Variants in C19orf47 observed in about 807,000 individuals in gnomAD.
The protein encoded by C19orf47 is uncharacterized protein C19orf47.
C19orf47 carries 18 observed loss-of-function variants against 32.3 expected under a neutral mutation model. The ratio of observed to expected loss-of-function variants is 0.56; its 90% CI spans 0.39 to 0.83. The LOEUF (loss-of-function observed/expected upper bound fraction) is 0.83. Among genes scored for constraint, C19orf47 ranks in the 40% least tolerant of loss-of-function variants. The pLI, the probability that C19orf47 is intolerant of heterozygous loss-of-function variation, is 0.00. For synonymous variants in C19orf47, 202 were observed against 211.1 expected, an observed-to-expected ratio of 0.96 and a Z score of 0.37; for missense variants, 484 against 531.6, an observed-to-expected ratio of 0.91 and a Z score of 0.88.
intron 6 of C19orf47, among the ~76,000 whole-genome samples, chr19:40,327,878 A>C (rs2077866713): frequency 3.9e-5 from 6 of 152,224 alleles, no homozygotes; most frequent in Admixed American, 3.9e-4. Context: ...GGGGCGATGC[A>C]AGAGATGAAT....
chr19:40,336,245 T>C, intron 3 of C19orf47, 21 bp from the exon 4 acceptor site: 1 of 1,614,052 alleles, frequency 6.2e-7, no homozygotes, highest in East Asian at 2.2e-5. Flanking sequence ...AGGTCAGTGG[T>C]GAGGCCCCAG....
At chr19:40,304,232 TGAA>T in the C19orf47 span, among the ~76,000 whole-genome samples, 1 of 152,170 alleles carries the variant, frequency 6.6e-6, no homozygotes, top group African/African-American at 2.4e-5. Context: ...ATAGGAGAAA[TGAA>T]GAAGTTCGAG....
the C19orf47 span, among the ~76,000 whole-genome samples, chr19:40,299,072 T>C: frequency 2.0e-5 from 3 of 152,180 alleles, no homozygotes; most frequent in African/African-American, 7.2e-5. Flanking sequence ...ATTTTCTTTT[T>C]CACCTTTTAA....
rs751169832 is a variant in C19orf47 at position 40,326,487 on chromosome 19, C to T, written c.440-1G>A. The T allele has an allele frequency of 1.2e-6, 2 of 1,612,252 alleles. No individual in the cohort carries two copies. Among genetic ancestry groups the T allele is most frequent in the Non-Finnish European group, 1.7e-6 (2 of 1,179,910 alleles). ...TCCTCCTCCCGGCGGGCCAGGGCTG[C>T]TGGGGGAAGAAAGCAGGGGTATCAG... is the stretch of plus-strand genomic sequence containing the variant. On this transcript the variant is annotated splice_acceptor_variant, in intron 6 of 8. Coordinates refer to ENST00000683109, the MANE Select transcript of C19orf47 (RefSeq NM_001256441.2). LOFTEE classifies it high-confidence loss of function.
At chr19:40,326,646 C>G (rs2077837009) in intron 6 of C19orf47, among the ~76,000 whole-genome samples, 160 bp from the exon 7 acceptor site, 1 of 152,196 alleles carries the variant, frequency 6.6e-6, no homozygotes. Context: ...CAGAGAAACT[C>G]AGGTCTCTGT....
the C19orf47 span, among the ~76,000 whole-genome samples, chr19:40,294,553 A>C: frequency 2.6e-5 from 4 of 152,164 alleles, no homozygotes; most frequent in Non-Finnish European, 5.9e-5. Flanking sequence ...ATAGGGCAAG[A>C]ACACAGGCCT....
rs185200137 is a variant in C19orf47, at chr19:40,336,633, T to C, written c.20-226A>G. ...ATGAGGAAAATGAGATAGGGAAAGG[T>C]TGGGCAACCCACCCCAAGCCACAAT... On this transcript the variant is annotated intron_variant, in intron 2 of 8. Transcript: ENST00000683109. Among the ~76,000 whole-genome samples, 392 of 152,146 alleles carry C rather than the reference T, an allele frequency of 2.6e-3. 1 individual carries two copies. Among genetic ancestry groups the C allele is most frequent in the South Asian group, 7.7e-3 (37 of 4,816 alleles).
intron 1 of C19orf47, chr19:40,343,482 G>A (rs2078216777): frequency 6.6e-6 from 1 of 152,196 alleles, no homozygotes; most frequent in Non-Finnish European, 1.5e-5. Context: ...TACCTTAGAG[G>A]ACTGCTATAA....
At position 40,322,068 on chromosome 19, in the gene C19orf47, A is replaced by C; in HGVS notation, c.972T>G (p.Leu324=). Residue 324 remains leucine, a synonymous_variant, in exon 9 of 9, where the codon CTT becomes CTG. Coordinates refer to ENST00000683109, the MANE Select transcript of C19orf47 (RefSeq NM_001256441.2). ...SIIKRLGAAA[L]VPEAQDSQVT... is the part of the protein sequence containing the mutation. ...CCTGGCTGTCCTGGGCCTCGGGCACAAGGGCAGCTGCGCCCAGTCTCTTGA... is the reference window on the plus strand; with the variant it reads ...CCTGGCTGTCCTGGGCCTCGGGCACCAGGGCAGCTGCGCCCAGTCTCTTGA... 6.2e-7 allele frequency: 1 copy of C among 1,614,194 alleles called. No homozygotes were observed. Among genetic ancestry groups the C allele is most frequent in the Non-Finnish European group, 8.5e-7 (1 of 1,180,040 alleles).
At chr19:40,324,623 G>A (rs1568606774) in intron 7 of C19orf47, 1 of 154,880 alleles carries the variant, frequency 6.5e-6, no homozygotes, top group Non-Finnish European at 1.4e-5. Context: ...GGGAGGCTGA[G>A]GCAGGTGGAT....
Position 40,322,942 on chromosome 19 carries a change from A to C in C19orf47, c.664-566T>G, listed in dbSNP as rs191221626. On this transcript the variant is annotated intron_variant, in intron 8 of 8. Coordinates refer to ENST00000683109, the MANE Select transcript of C19orf47 (RefSeq NM_001256441.2). ...AGACGGAGAAGGACAGCTGGAGGGC[A>C]GAAGACAGGGGTGGCTCCTCATCAG... 9.8e-5 allele frequency among the ~76,000 whole-genome samples: 15 copies of C among 152,358 alleles called. No homozygotes were observed. In the South Asian group the frequency reaches 2.7e-3, roughly 27 times the overall value.
At chr19:40,342,560 G>T (rs1010806718) in intron 1 of C19orf47, 1 of 152,474 alleles carries the variant, frequency 6.6e-6, no homozygotes. Flanking sequence ...CTGGGTACAG[G>T]GGACAGGGGA....
the C19orf47 span, among the ~76,000 whole-genome samples, chr19:40,306,490 C>G: frequency 6.6e-6 from 1 of 151,996 alleles, no homozygotes; most frequent in South Asian, 2.1e-4. Context: ...GCAACCTCCG[C>G]CTCCCGGGTT....
chr19:40,319,127 G>A (rs904756017), downstream of C19orf47, among the ~76,000 whole-genome samples: 1 of 151,834 alleles, frequency 6.6e-6, no homozygotes, highest in African/African-American at 2.4e-5. Context: ...AAAATTAGCT[G>A]GGAGTGGTGG....
Position 40,321,467 on chromosome 19 carries a change from GA to G in C19orf47, c.*414del. On this transcript the variant is annotated 3_prime_UTR_variant, in exon 9 of 9. Coordinates refer to ENST00000683109, the MANE Select transcript of C19orf47 (RefSeq NM_001256441.2). ...TGAGGGAGGTCAGTGGGGAGTGGGG[GA>G]AGGGAGGCCCACCAGGTGACACCCA... 9.9e-7 allele frequency: 1 copy of G among 1,012,830 alleles called. No individual in the cohort carries two copies. Among genetic ancestry groups the G allele is most frequent in the East Asian group, 1.0e-4 (1 of 9,808 alleles). The allele number at this position is 1,012,830 out of a possible 1,614,324, so 62.7% of individuals were successfully genotyped here.
rs982256264 is a variant in C19orf47, at chr19:40,336,256, G to A, written c.108-32C>T. On this transcript the variant is annotated intron_variant, in intron 3 of 8. Coordinates refer to ENST00000683109, the MANE Select transcript of C19orf47 (RefSeq NM_001256441.2). ...GGAAAGGTCAGTGGTGAGGCCCCAG[G>A]TGGGCCAGAGTGGGTGGGCCAGCCA... The A allele has an allele frequency of 2.5e-6, 4 of 1,613,246 alleles. No individual in the cohort carries two copies. The African/African-American group carries it at 4.0e-5, about 16-fold the overall frequency.
At chr19:40,341,783 T>A in intron 2 of C19orf47, 56 bp downstream of exon 2, 5 of 1,533,934 alleles carry the variant, frequency 3.3e-6, no homozygotes, top group Non-Finnish European at 4.4e-6. Flanking sequence ...ACCAAGGCCA[T>A]ACCTCAAAAA....
chr19:40,324,285 C>T (rs1033472446), intron 7 of C19orf47: 1 of 595,614 alleles, frequency 1.7e-6, no homozygotes, highest in African/African-American at 1.9e-5. Context: ...GAAAGACCAG[C>T]TACAAGTGGC....
rs190799416 is a variant in C19orf47 at position 40,347,596 on chromosome 19, A to G, written c.-34+728T>C. On this transcript the variant is annotated intron_variant, in intron 1 of 8. Transcript: ENST00000683109. ...CCTTCTCAAATTAACTTACTGGGGA[A>G]AAAAATGCACTAGTCATTATCAAGA... Among the ~76,000 whole-genome samples, 9 of 152,298 alleles carry G rather than the reference A, an allele frequency of 5.9e-5. No homozygotes were observed. In the East Asian group the frequency reaches 1.2e-3, roughly 20 times the overall value.
Sources: gnomAD v4.1 joint callset for allele counts (sites outside exome capture counted in the v4.1 genomes callset) on GRCh38, gnomAD v4.1.1 for gene constraint, MANE v1.5 for transcripts, NCBI Gene and HGNC (gene_info 2026-07-23, HGNC 2026-07-21) for gene names.